Variants in DBT observed in about 807,000 individuals in gnomAD.
DBT encodes the protein dihydrolipoamide branched chain transacylase E2.
A neutral mutation model predicts 51.3 loss-of-function variants in DBT; 40 were observed. The ratio of observed to expected loss-of-function variants is 0.78; its 90% CI spans 0.61 to 1.02. DBT has a LOEUF of 1.02. Among genes scored for constraint, DBT ranks in the 50% least tolerant of loss-of-function variants. The pLI, the probability that DBT is intolerant of heterozygous loss-of-function variation, is 0.00. For missense variants in DBT, 510 were observed against 580.2 expected, an observed-to-expected ratio of 0.88 and a Z score of 1.24; for synonymous variants, 181 against 190.4, an observed-to-expected ratio of 0.95 and a Z score of 0.41.
intron 7 of DBT, chr1:100,213,308 C>T: frequency 5.4e-6 from 8 of 1,487,172 alleles, no homozygotes; most frequent in Non-Finnish European, 7.1e-6. Context: ...CCACAAGACT[C>T]TGCTGCAGGA....
At chr1:100,231,020 G>C (rs1402732719) in intron 3 of DBT, 106 bp from the exon 4 acceptor site, 1 of 739,540 alleles carries the variant, frequency 1.4e-6, no homozygotes, top group African/African-American at 1.7e-5. Context: ...ATCTAGCCCA[G>C]CATTTACTTT....
rs1289950027 is a variant in DBT at position 100,187,566 on chromosome 1, C to T, written c.*8689G>A. The stretch of plus-strand genomic sequence containing the variant: ...TATTTGAGACAAAGTCTCACTCTGT[C>T]ACCCAGGCTGGAGTGCAGTGGTGCA... On this transcript the variant is annotated 3_prime_UTR_variant, in exon 11 of 11. Coordinates refer to ENST00000370132, the MANE Select transcript of DBT (RefSeq NM_001918.5). The T allele has an allele frequency of 1.3e-5, 2 of 152,202 alleles. No homozygotes were observed. The highest frequency in any genetic ancestry group is 2.4e-5 in the African/African-American group (1 of 41,452). The allele number at this position is 152,202 out of a possible 1,614,324, so 9.4% of individuals were successfully genotyped here. A position where few individuals can be genotyped will look rare whatever the true frequency, so the allele number is the denominator to read the frequency against.
intron 3 of DBT, among the ~76,000 whole-genome samples, chr1:100,234,824 T>C (rs1663773940): frequency 6.6e-6 from 1 of 152,194 alleles, no homozygotes; most frequent in Admixed American, 6.5e-5. Context: ...AAAAGAATGT[T>C]CAGGTGGTTG....
At chr1:100,237,430 A>C (rs1036016192) in intron 2 of DBT, among the ~76,000 whole-genome samples, 1 of 152,130 alleles carries the variant, frequency 6.6e-6, no homozygotes, top group Non-Finnish European at 1.5e-5. Flanking sequence ...TAAGCCACTA[A>C]GTTGTGGGAT....
chr1:100,187,212 A>C lies in DBT; in HGVS notation c.*9043T>G, dbSNP rs1660605543. 1 of 152,242 alleles carries C rather than the reference A, an allele frequency of 6.6e-6. No individual in the cohort carries two copies. Among genetic ancestry groups the C allele is most frequent in the African/African-American group, 2.4e-5 (1 of 41,460 alleles). The allele number at this position is 152,242 out of a possible 1,614,324, so 9.4% of individuals were successfully genotyped here. Reference sequence around the variant, plus strand: ...CTTATTGGGGGTAATTTAAACCCCAAATCGGAAGAATAGAATAAAAGACAT... The same window carrying C: ...CTTATTGGGGGTAATTTAAACCCCACATCGGAAGAATAGAATAAAAGACAT... On this transcript the variant is annotated 3_prime_UTR_variant, in exon 11 of 11. Transcript: ENST00000370132.
intron 1 of DBT, among the ~76,000 whole-genome samples, chr1:100,247,291 T>C (rs1664598923): frequency 6.6e-6 from 1 of 152,194 alleles, no homozygotes; most frequent in Non-Finnish European, 1.5e-5. Flanking sequence ...TTGGAAAAAC[T>C]ACAAGACCAC....
Position 100,230,835 on chromosome 1 carries a change from T to G in DBT, c.331A>C (p.Thr111Pro). 6.2e-7 allele frequency: 1 copy of G among 1,607,002 alleles called. No individual in the cohort carries two copies. The highest frequency in any genetic ancestry group is 8.5e-7 in the Non-Finnish European group (1 of 1,173,640). The change falls in exon 4 of 11, where the codon ACT (threonine) becomes CCT (proline). Residue 111 changes from threonine to proline, a missense_variant. Coordinates refer to ENST00000370132, the MANE Select transcript of DBT (RefSeq NM_001918.5). ...TTAATGACTCCATCATAACGACTAGTGATGGTAACAGAAGCTTTATCACTT... is the reference window on the plus strand; with the variant it reads ...TTAATGACTCCATCATAACGACTAGGGATGGTAACAGAAGCTTTATCACTT... ...VQSDKASVTI[T>P]SRYDGVIKKL...
At chr1:100,234,099 T>C (rs1325909567) in intron 3 of DBT, among the ~76,000 whole-genome samples, 1 of 152,186 alleles carries the variant, frequency 6.6e-6, no homozygotes, top group Non-Finnish European at 1.5e-5. Context: ...AGAAAGTCTT[T>C]GAAGAGGAAC....
chr1:100,225,277 G>A (rs1345403395), intron 4 of DBT, among the ~76,000 whole-genome samples: 3 of 151,698 alleles, frequency 2.0e-5, no homozygotes, highest in African/African-American at 7.3e-5. Context: ...TGTTATTAGA[G>A]ATTAGTTTGG....
intron 3 of DBT, among the ~76,000 whole-genome samples, chr1:100,232,024 A>G (rs1166008753): frequency 1.3e-5 from 2 of 152,194 alleles, no homozygotes; most frequent in Non-Finnish European, 2.9e-5. Flanking sequence ...CAACTTTATG[A>G]TGGTGTAAAA....
chr1:100,211,968 C>T (rs1662171710), intron 7 of DBT, among the ~76,000 whole-genome samples: 1 of 152,124 alleles, frequency 6.6e-6, no homozygotes, highest in African/African-American at 2.4e-5. Flanking sequence ...GATGGGGTTT[C>T]ACCATGTTGC....
At chr1:100,203,522 CAA>C (rs922886615) in intron 10 of DBT, among the ~76,000 whole-genome samples, 7 of 152,272 alleles carry the variant, frequency 4.6e-5, no homozygotes, top group African/African-American at 1.7e-4. Context: ...ACCAGAGGTA[CAA>C]AGAGGAGCTG....
In DBT at chr1:100,206,458, G is replaced by C. The variant is rs2100779875; in HGVS notation, c.1196C>G (p.Ser399Cys). The C allele has an allele frequency of 6.2e-7, 1 of 1,612,590 alleles. No individual in the cohort carries two copies. Among genetic ancestry groups the C allele is most frequent in the Non-Finnish European group, 8.5e-7 (1 of 1,178,702 alleles). Residue 399 changes from serine (S) to cysteine (C), a missense_variant, in exon 9 of 11, where the codon TCC (serine) becomes TGC (cysteine). Transcript: ENST00000370132. ...TDLTGGTFTLSNIGSIGGTFA... is the reference protein window; with the variant it reads ...TDLTGGTFTLCNIGSIGGTFA... The stretch of plus-strand genomic sequence containing the variant: ...ATTATTACTCACTGATCCAATGTTG[G>C]AAAGAGTAAATGTTCCTCCTGTAAG...
chr1:100,207,887 C>A (rs1304825867), intron 8 of DBT, among the ~76,000 whole-genome samples: 1 of 151,830 alleles, frequency 6.6e-6, no homozygotes, highest in African/African-American at 2.4e-5. Context: ...AATCCCGGCA[C>A]TTTGGGAGGC....
At chr1:100,238,626 G>T (rs1326031066) in intron 2 of DBT, among the ~76,000 whole-genome samples, 1 of 152,080 alleles carries the variant, frequency 6.6e-6, no homozygotes, top group African/African-American at 2.4e-5. Context: ...CTCCTGAGTG[G>T]CTGGGACTAC....
chr1:100,213,374 C>CACGGCT (rs1662273873), intron 7 of DBT: 1 of 1,547,884 alleles, frequency 6.5e-7, no homozygotes, highest in Non-Finnish European at 8.7e-7. Context: ...GTGAGGCCCG[C>CACGGCT]ACGGCTACGG....
At chr1:100,232,158 C>T (rs192434251) in intron 3 of DBT, among the ~76,000 whole-genome samples, 1 of 152,270 alleles carries the variant, frequency 6.6e-6, no homozygotes, top group Admixed American at 6.5e-5. Context: ...GTAAGCGTTT[C>T]GAGCATGTTT....
Position 100,196,437 on chromosome 1 carries a change from A to ATT in DBT, c.1282-16_1282-15insAA. On this transcript the variant is annotated splice_polypyrimidine_tract_variant and intron_variant, in intron 10 of 10. Coordinates refer to ENST00000370132, the MANE Select transcript of DBT (RefSeq NM_001918.5). Reference sequence around the variant, plus strand: ...CGGGGAATGGCCTAGAAATGAAAAAAAAAAAAAAAAAAAAAAAAAAAAGAA... The same window carrying ATT: ...CGGGGAATGGCCTAGAAATGAAAAAATTAAAAAAAAAAAAAAAAAAAAAAGAA... 4.8e-6 allele frequency: 2 copies of ATT among 412,668 alleles called. No individual in the cohort carries two copies. The highest frequency in any genetic ancestry group is 3.4e-6 in the Non-Finnish European group (1 of 297,612). 25.6% of individuals were successfully genotyped at this position (412,668 alleles called of 1,614,324 possible). A position where few individuals can be genotyped will look rare whatever the true frequency, so the allele number is the denominator to read the frequency against.
intron 10 of DBT, 30 bp downstream of exon 10, chr1:100,206,195 TTAAAC>T: frequency 1.3e-6 from 2 of 1,486,880 alleles, no homozygotes; most frequent in Non-Finnish European, 1.9e-6. Context: ...CTGAATTTGC[TTAAAC>T]TCCATTTTTC....
Sources: allele counts gnomAD v4.1 joint callset (sites outside exome capture counted in the v4.1 genomes callset), GRCh38; gene constraint gnomAD v4.1.1; transcripts MANE v1.5; gene names NCBI Gene and HGNC (gene_info 2026-07-23, HGNC 2026-07-21).